Variants in POLE4 observed in about 807,000 individuals in gnomAD.
POLE4 encodes DNA polymerase epsilon subunit 4.
A neutral mutation model predicts 15.6 loss-of-function variants in POLE4; 15 were observed. That is an observed-to-expected ratio of 0.96 (90% CI 0.64 to 1.48). The LOEUF (loss-of-function observed/expected upper bound fraction) is 1.48, where lower values mean the gene tolerates loss of function less well. Ranked by LOEUF, POLE4 falls within the 40% of genes most tolerant of loss-of-function variation. POLE4 has a pLI of 0.00. For synonymous variants in POLE4, 83 were observed against 63.2 expected (o/e 1.31, Z -1.49); for missense variants, 205 against 151.9 (o/e 1.35, Z -1.84).
intron 3 of POLE4, among the ~76,000 whole-genome samples, chr2:74,967,726 G>T (rs530274626): frequency 2.6e-5 from 4 of 152,250 alleles, no homozygotes; most frequent in Admixed American, 1.3e-4. Context: ...GTATTTGTTA[G>T]ATAAGTTGAG....
At chr2:74,961,759 T>G (rs1397554932) in intron 3 of POLE4, among the ~76,000 whole-genome samples, 1 of 152,140 alleles carries the variant, frequency 6.6e-6, no homozygotes, top group Non-Finnish European at 1.5e-5. Context: ...TCATCCTCAT[T>G]TATCTCTGTA....
Sources: gnomAD v4.1 joint callset for allele counts (sites outside exome capture counted in the v4.1 genomes callset) on GRCh38, gnomAD v4.1.1 for gene constraint, MANE v1.5 for transcripts, NCBI Gene and HGNC (gene_info 2026-07-23, HGNC 2026-07-21) for gene names.